Variants in DNAJC18 observed in about 807,000 individuals in gnomAD.
DNAJC18 encodes the protein DnaJ heat shock protein family (Hsp40) member C18.
In DNAJC18, 40 loss-of-function variants were observed where a neutral mutation model predicts 48.6. The ratio of observed to expected loss-of-function variants is 0.82; its 90% CI spans 0.64 to 1.07. The LOEUF (loss-of-function observed/expected upper bound fraction) is 1.07, where lower values mean the gene tolerates loss of function less well. Among genes scored for constraint, DNAJC18 ranks in the 50% least tolerant of loss-of-function variants. The pLI is 0.00. For synonymous variants in DNAJC18, 135 were observed against 152.2 expected, an observed-to-expected ratio of 0.89 and a Z score of 0.83; for missense variants, 340 against 427.7, an observed-to-expected ratio of 0.79 and a Z score of 1.81.
intron 2 of DNAJC18, among the ~76,000 whole-genome samples, chr5:139,436,268 T>A (rs1353060409): frequency 6.6e-6 from 1 of 150,582 alleles, no homozygotes; most frequent in African/African-American, 2.4e-5. Context: ...TTTTCTTTTT[T>A]TAGAGATAAT....
chr5:139,423,456 C>G (rs190326844), intron 5 of DNAJC18, among the ~76,000 whole-genome samples: 1 of 150,396 alleles, frequency 6.6e-6, no homozygotes, highest in East Asian at 2.0e-4. Flanking sequence ...GTGACACAAA[C>G]ATGGCTCACT....
intron 2 of DNAJC18, among the ~76,000 whole-genome samples, chr5:139,434,646 T>C (rs542975064): frequency 2.6e-5 from 4 of 152,322 alleles, no homozygotes; most frequent in African/African-American, 9.6e-5. Context: ...TTAATTTCAT[T>C]TTTTTATTGT....
intron 2 of DNAJC18, among the ~76,000 whole-genome samples, chr5:139,429,863 G>A (rs1194799266): frequency 2.0e-5 from 3 of 152,144 alleles, no homozygotes; most frequent in Admixed American, 6.5e-5. Context: ...GGAGTTTGAG[G>A]CTGCAGTGAG....
At chr5:139,415,802 T>G (rs1025580048) in intron 7 of DNAJC18, among the ~76,000 whole-genome samples, 1 of 152,208 alleles carries the variant, frequency 6.6e-6, no homozygotes, top group African/African-American at 2.4e-5. Context: ...ACACCAGTAT[T>G]GAAACAGATT....
intron 2 of DNAJC18, 47 bp from the exon 3 acceptor site, chr5:139,428,730 C>T: frequency 6.4e-7 from 1 of 1,557,516 alleles, no homozygotes; most frequent in Non-Finnish European, 8.6e-7. Flanking sequence ...CCCTTTTGTA[C>T]AACTAATTGC....
At chr5:139,436,280 T>C (rs1750656099) in intron 2 of DNAJC18, among the ~76,000 whole-genome samples, 1 of 151,654 alleles carries the variant, frequency 6.6e-6, no homozygotes, top group South Asian at 2.1e-4. Flanking sequence ...AGAGATAATG[T>C]ATTGCTGTGT....
intron 7 of DNAJC18, among the ~76,000 whole-genome samples, chr5:139,416,777 G>A (rs901545773): frequency 6.6e-6 from 1 of 152,240 alleles, no homozygotes; most frequent in African/African-American, 2.4e-5. Flanking sequence ...TGCTACCTTC[G>A]TCCAGCCCAG....
chr5:139,417,728 C>G (rs1392869890), intron 7 of DNAJC18, among the ~76,000 whole-genome samples: 3 of 152,094 alleles, frequency 2.0e-5, no homozygotes, highest in Admixed American at 6.6e-5. Flanking sequence ...TGCGCACCAC[C>G]ACACCCAGCT....
At chr5:139,428,322 G>A (rs193009422) in intron 3 of DNAJC18, among the ~76,000 whole-genome samples, 45 of 152,204 alleles carry the variant, frequency 3.0e-4, no homozygotes, top group African/African-American at 8.7e-4. Flanking sequence ...ACTTGAGCCC[G>A]GGAGGTGGAG....
chr5:139,435,705 G>GTTTTTTTTTTTGTTTT (rs1750628562), intron 2 of DNAJC18, among the ~76,000 whole-genome samples: 1 of 41,192 alleles, frequency 2.4e-5, no homozygotes, highest in East Asian at 1.3e-3. Context: ...TTCATTGGAA[G>GTTTTTTTTTTTGTTTT]TTTTTTTTTT....
At chr5:139,425,182 G>A (rs1759217202) in intron 4 of DNAJC18, 68 bp from the exon 5 acceptor site, 2 of 1,387,482 alleles carry the variant, frequency 1.4e-6, no homozygotes, top group East Asian at 4.9e-5. Context: ...TTTTTTTTTG[G>A]AGATGGAGTT....
chr5:139,423,867 T>G (rs1283666413), intron 5 of DNAJC18, among the ~76,000 whole-genome samples: 1 of 151,570 alleles, frequency 6.6e-6, no homozygotes, highest in African/African-American at 2.4e-5. Context: ...CTGAAGGAGG[T>G]CCAACAACAA....
chr5:139,414,341 A>G, intron 7 of DNAJC18, 69 bp from the exon 8 acceptor site: 1 of 1,536,104 alleles, frequency 6.5e-7, no homozygotes, highest in Non-Finnish European at 8.7e-7. Flanking sequence ...ATGTTTCTGG[A>G]GTCAAAGCTC....
chr5:139,438,615 G>A (rs185144379), intron 1 of DNAJC18, among the ~76,000 whole-genome samples: 1 of 152,236 alleles, frequency 6.6e-6, no homozygotes, highest in Non-Finnish European at 1.5e-5. Flanking sequence ...TCTTTCTTCC[G>A]CTTAACATCC....
intron 5 of DNAJC18, 51 bp from the exon 6 acceptor site, chr5:139,422,868 TTC>T: frequency 7.3e-7 from 1 of 1,372,696 alleles, no homozygotes; most frequent in Non-Finnish European, 1.0e-6. Context: ...TTTTTTTTTT[TTC>T]TGTCGCCCAG....
chr5:139,412,677 G>A lies in DNAJC18; in HGVS notation c.*1471C>T. The A allele has an allele frequency of 2.5e-6, 1 of 398,718 alleles. No individual in the cohort carries two copies. The highest frequency in any genetic ancestry group is 1.3e-4 in the South Asian group (1 of 7,858). 24.7% of individuals were successfully genotyped at this position (398,718 alleles called of 1,614,324 possible). On this transcript the variant is annotated 3_prime_UTR_variant, in exon 8 of 8. Transcript: ENST00000302060. The stretch of plus-strand genomic sequence containing the variant: ...ATAATTCAGGCAGCTCAGCTCCACA[G>A]GAAGGCCCAGAACCACACAGCCCAG...
At chr5:139,429,080 C>CTTTT (rs559935676) in intron 2 of DNAJC18, among the ~76,000 whole-genome samples, 31 of 114,578 alleles carry the variant, frequency 2.7e-4, no homozygotes, top group Non-Finnish European at 3.7e-4. Context: ...GTATTTTTTG[C>CTTTT]TTTTTTTTTT....
In DNAJC18 at chr5:139,424,987, T is replaced by C. The variant is rs1759212450; in HGVS notation, c.669+18A>G. On this transcript the variant is annotated intron_variant, in intron 5 of 7. Coordinates refer to ENST00000302060, the MANE Select transcript of DNAJC18 (RefSeq NM_152686.4). ...TACAACTGTTTATGGGCAGCAGTGC[T>C]CCTCCCTCCCTAGGTACCTGAGGTT... 1.2e-6 allele frequency: 2 copies of C among 1,606,718 alleles called. No homozygotes were observed. Among genetic ancestry groups the C allele is most frequent in the African/African-American group, 2.7e-5 (2 of 74,752 alleles).
intron 6 of DNAJC18, among the ~76,000 whole-genome samples, chr5:139,422,365 C>A (rs971887640): frequency 7.2e-5 from 11 of 152,206 alleles, no homozygotes; most frequent in African/African-American, 2.2e-4. Context: ...TCCAGCAATC[C>A]TATCAACAGC....
Sources: gnomAD v4.1 joint callset for allele counts (sites outside exome capture counted in the v4.1 genomes callset) on GRCh38, gnomAD v4.1.1 for gene constraint, MANE v1.5 for transcripts, NCBI Gene and HGNC (gene_info 2026-07-23, HGNC 2026-07-21) for gene names.